Variants in PLCL2 observed in about 807,000 individuals in gnomAD.
PLCL2 encodes the protein phospholipase C like 2, also known as inactive phospholipase C-like protein 2.
A neutral mutation model predicts 79.6 loss-of-function variants in PLCL2; 4 were observed. The observed-to-expected ratio is 0.05, with a 90% confidence interval of 0.02 to 0.11. The LOEUF (loss-of-function observed/expected upper bound fraction) is 0.11. Among genes scored for constraint, PLCL2 ranks in the 10% least tolerant of loss-of-function variants. PLCL2 has a pLI of 1.00. For synonymous variants in PLCL2, 484 were observed against 457.7 expected (o/e 1.06, Z -0.73); for missense variants, 895 against 1,291.0 (o/e 0.69, Z 4.70).
rs995094170 is a variant in PLCL2 at position 17,019,203 on chromosome 3, GA to G, written c.3018+4295del. 2.5e-4 allele frequency among the ~76,000 whole-genome samples: 38 copies of G among 152,292 alleles called. 1 individual carries two copies. The highest frequency in any genetic ancestry group is 2.0e-3 in the Admixed American group (30 of 15,290). ...CTATTGCAAGATGAGTTCGTAGGGT[GA>G]AACATGCTCACAGGTGAAATATGCT... On this transcript the variant is annotated intron_variant, in intron 3 of 5. Transcript: ENST00000615277.
chr3:17,045,953 A>G (rs2064775850), intron 4 of PLCL2, among the ~76,000 whole-genome samples: 1 of 152,140 alleles, frequency 6.6e-6, no homozygotes, highest in Non-Finnish European at 1.5e-5. Context: ...GAGGAAGTGA[A>G]AGCGGGGATT....
At position 17,077,637 on chromosome 3, in the gene PLCL2, G is replaced by C. The variant is rs571459467; in HGVS notation, c.3204+9572G>C. ...GGTGGTAATTTTCACTGTGTCAATT[G>C]ATTGCCATTCCTAAAATGGTAGAAT... On this transcript the variant is annotated intron_variant, in intron 5 of 5. Transcript: ENST00000615277. Among the ~76,000 whole-genome samples the C allele has an allele frequency of 2.0e-5, 3 of 152,124 alleles. No homozygotes were observed. The South Asian group carries it at 6.2e-4, about 32-fold the overall frequency.
chr3:16,974,902 G>C (rs1183444439), intron 1 of PLCL2, among the ~76,000 whole-genome samples: 1 of 152,206 alleles, frequency 6.6e-6, no homozygotes, highest in Non-Finnish European at 1.5e-5. Flanking sequence ...TGTATGTAGA[G>C]GGGAAGGGCT....
rs534377538 is a variant in PLCL2, at chr3:16,971,294, T to A, written c.328-38380T>A. Among the ~76,000 whole-genome samples, 399 of 152,274 alleles carry A rather than the reference T, an allele frequency of 2.6e-3. 4 individuals are homozygous for A. Among genetic ancestry groups the A allele is most frequent in the Non-Finnish European group, 1.7e-3 (116 of 68,018 alleles). On this transcript the variant is annotated intron_variant, in intron 1 of 5. Transcript: ENST00000615277. ...CTTTCTACATATGGCTAGCCAGTTTTCCCCGCACCATTTATTAAATAGGGA... is the reference window on the plus strand; with the variant it reads ...CTTTCTACATATGGCTAGCCAGTTTACCCCGCACCATTTATTAAATAGGGA...
chr3:17,033,295 A>G (rs2124911590), intron 3 of PLCL2, among the ~76,000 whole-genome samples: 1 of 152,174 alleles, frequency 6.6e-6, no homozygotes, highest in East Asian at 1.9e-4. Context: ...CTGGCAAGAA[A>G]TGATCATTAA....
chr3:16,975,408 A>G (rs1466079777), intron 1 of PLCL2, among the ~76,000 whole-genome samples: 3 of 152,216 alleles, frequency 2.0e-5, no homozygotes, highest in African/African-American at 7.2e-5. Flanking sequence ...GCTTTGAAAT[A>G]TCTAGTGTAG....
At chr3:16,956,582 T>C (rs867052710) in intron 1 of PLCL2, among the ~76,000 whole-genome samples, 1,790 of 152,334 alleles carry the variant, frequency 0.012, 39 homozygotes, top group African/African-American at 0.041. Flanking sequence ...TTCTATTGAT[T>C]GGAATAGTTT....
At chr3:17,004,594 C>A (rs929227527) in intron 1 of PLCL2, among the ~76,000 whole-genome samples, 1 of 151,974 alleles carries the variant, frequency 6.6e-6, no homozygotes, top group Non-Finnish European at 1.5e-5. Flanking sequence ...CAAATTCCCC[C>A]TTTTCTTCTT....
chr3:16,962,240 G>A (rs2063761925), intron 1 of PLCL2, among the ~76,000 whole-genome samples: 1 of 152,146 alleles, frequency 6.6e-6, no homozygotes, highest in South Asian at 2.1e-4. Context: ...GAAAGGGGAT[G>A]ATCAGTTGAT....
rs1466618767 is a variant in PLCL2, at chr3:16,887,932, A to G, written c.327+2566A>G. 2.0e-5 allele frequency among the ~76,000 whole-genome samples: 3 copies of G among 152,116 alleles called. No homozygotes were observed. Among genetic ancestry groups the G allele is most frequent in the Non-Finnish European group, 4.4e-5 (3 of 68,020 alleles). Reference sequence around the variant, plus strand: ...GTGGTCTCTGAGTAGAGGCAGGAGTAGATTAGTAAGCAAGGTGATAATTGG... The same window carrying G: ...GTGGTCTCTGAGTAGAGGCAGGAGTGGATTAGTAAGCAAGGTGATAATTGG... On this transcript the variant is annotated intron_variant, in intron 1 of 5. Transcript: ENST00000615277. The surrounding 1 kb of genome is among the most constrained non-coding windows in gnomAD (Gnocchi z 4.1).
chr3:16,957,932 G>T (rs556606476), intron 1 of PLCL2, among the ~76,000 whole-genome samples: 1 of 152,316 alleles, frequency 6.6e-6, no homozygotes, highest in South Asian at 2.1e-4. Flanking sequence ...CTCTGCACGT[G>T]AGATGGGTTT....
intron 4 of PLCL2, among the ~76,000 whole-genome samples, chr3:17,063,212 CTT>C (rs2064969013): frequency 8.1e-6 from 1 of 122,824 alleles, no homozygotes; most frequent in Non-Finnish European, 1.7e-5. Context: ...ACTTGTGTCT[CTT>C]TCTCTTCCTT....
chr3:16,965,561 G>C (rs2063798702), intron 1 of PLCL2, among the ~76,000 whole-genome samples: 1 of 151,890 alleles, frequency 6.6e-6, no homozygotes, highest in African/African-American at 2.4e-5. Flanking sequence ...TGTGAAGAAA[G>C]TCATTGGTAG....
At chr3:17,019,908 G>A (rs764321399) in intron 3 of PLCL2, among the ~76,000 whole-genome samples, 1 of 152,130 alleles carries the variant, frequency 6.6e-6, no homozygotes, top group Non-Finnish European at 1.5e-5. Flanking sequence ...GAGAAAATAA[G>A]GAATATGTAA....
intron 1 of PLCL2, among the ~76,000 whole-genome samples, chr3:16,905,524 T>C (rs1696730837): frequency 6.6e-6 from 1 of 152,198 alleles, no homozygotes; most frequent in African/African-American, 2.4e-5. Flanking sequence ...GCCAGTTGAT[T>C]TTTGCATTTA....
At chr3:16,952,155 A>G (rs1283249335) in intron 1 of PLCL2, among the ~76,000 whole-genome samples, 1 of 151,824 alleles carries the variant, frequency 6.6e-6, no homozygotes, top group Admixed American at 6.6e-5. Flanking sequence ...CAGGGAGGGG[A>G]ACATCACACA....
chr3:17,029,540 G>A (rs955234766), intron 3 of PLCL2, among the ~76,000 whole-genome samples: 1 of 152,038 alleles, frequency 6.6e-6, no homozygotes, highest in Non-Finnish European at 1.5e-5. Flanking sequence ...TCCCAAGCAT[G>A]CTCATAAATC....
intron 3 of PLCL2, among the ~76,000 whole-genome samples, chr3:17,030,116 G>A (rs1310409577): frequency 6.6e-6 from 1 of 152,020 alleles, no homozygotes; most frequent in Non-Finnish European, 1.5e-5. Context: ...TTTAAGAAAT[G>A]GGGTCTCGCT....
At chr3:17,015,970 G>A (rs996149714) in intron 3 of PLCL2, among the ~76,000 whole-genome samples, 1 of 152,198 alleles carries the variant, frequency 6.6e-6, no homozygotes, top group African/African-American at 2.4e-5. Context: ...TCACATAGGG[G>A]AAGGGTTTCA....
Sources: gnomAD v4.1 joint callset for allele counts (sites outside exome capture counted in the v4.1 genomes callset) on GRCh38, gnomAD v4.1.1 for gene constraint, Gnocchi (gnomAD v3.1) non-coding constraint, MANE v1.5 for transcripts, NCBI Gene and HGNC (gene_info 2026-07-23, HGNC 2026-07-21) for gene names.